RANBP17: variants seen among roughly 807,000 people sequenced by gnomAD.
RANBP17 encodes the protein ran-binding protein 17.
RANBP17 carries 158 observed loss-of-function variants against 141.2 expected under a neutral mutation model. The observed-to-expected ratio is 1.12, with a 90% CI of 0.98 to 1.28. The LOEUF is 1.28. Among genes scored for constraint, RANBP17 ranks in the 50% most tolerant of loss-of-function variants. The pLI is 0.00. For missense variants in RANBP17, 1,438 were observed against 1,290.7 expected (o/e 1.11, Z -1.75); for synonymous variants, 430 against 450.0 (o/e 0.96, Z 0.56).
At chr5:170,899,885 A>G (rs1430863198) in intron 5 of RANBP17, among the ~76,000 whole-genome samples, 1 of 152,210 alleles carries the variant, frequency 6.6e-6, no homozygotes, top group African/African-American at 2.4e-5. Flanking sequence ...CATGGTAGAT[A>G]AGCTCTTTGA....
At chr5:171,105,717 C>G (rs1209591597) in intron 14 of RANBP17, among the ~76,000 whole-genome samples, 1 of 81,948 alleles carries the variant, frequency 1.2e-5, no homozygotes, top group Non-Finnish European at 2.9e-5. Flanking sequence ...GAACTTGTCT[C>G]AAAAAGAAAA....
chr5:171,248,193 C>T (rs949402288), intron 24 of RANBP17, among the ~76,000 whole-genome samples: 11 of 151,960 alleles, frequency 7.2e-5, no homozygotes, highest in Admixed American at 5.2e-4. Context: ...GGTGAAACCT[C>T]GTCTCTACTA....
At chr5:171,004,197 G>A (rs1024549489) in intron 14 of RANBP17, among the ~76,000 whole-genome samples, 12 of 152,040 alleles carry the variant, frequency 7.9e-5, no homozygotes, top group Non-Finnish European at 8.8e-5. Flanking sequence ...GCGTGTGATC[G>A]GTTGCCAGGG....
chr5:171,283,239 A>G (rs1242487022), intron 25 of RANBP17, among the ~76,000 whole-genome samples: 1 of 152,048 alleles, frequency 6.6e-6, no homozygotes, highest in African/African-American at 2.4e-5. Context: ...CATTGTTTCT[A>G]TACTGTGTAT....
At chr5:171,031,235 G>C (rs1485472731) in intron 14 of RANBP17, among the ~76,000 whole-genome samples, 2 of 151,966 alleles carry the variant, frequency 1.3e-5, no homozygotes, top group Admixed American at 1.3e-4. Context: ...ATGCATTTCA[G>C]AGACATGTGG....
intron 24 of RANBP17, 93 bp from the exon 25 acceptor site, chr5:171,265,588 C>A: frequency 1.7e-6 from 2 of 1,192,886 alleles, no homozygotes; most frequent in African/African-American, 1.5e-5. Context: ...ACTTTGAAAC[C>A]AGAAAGTAAT....
chr5:171,012,379 G>T (rs993923310), intron 14 of RANBP17, among the ~76,000 whole-genome samples: 1 of 148,388 alleles, frequency 6.7e-6, no homozygotes, highest in African/African-American at 2.6e-5. Flanking sequence ...ATTTATCCAA[G>T]GTAAAATTCT....
chr5:170,971,813 C>T lies in RANBP17; in HGVS notation c.1710+3436C>T, dbSNP rs1777010671. On this transcript the variant is annotated intron_variant, in intron 14 of 27. Coordinates refer to ENST00000523189, the MANE Select transcript of RANBP17 (RefSeq NM_022897.5). ...CCTATGGAATTTCAAAAGTATTCTA[C>T]TTGCCCTCTTTGTTTCCATTTTGCT... Among the ~76,000 whole-genome samples, 3 of 152,214 alleles carry T rather than the reference C, an allele frequency of 2.0e-5. No individual in the cohort carries two copies. The South Asian group carries it at 6.2e-4, about 32-fold the overall frequency.
At chr5:171,216,975 C>T (rs1013817355) in intron 21 of RANBP17, among the ~76,000 whole-genome samples, 1 of 152,150 alleles carries the variant, frequency 6.6e-6, no homozygotes, top group Admixed American at 6.5e-5. Flanking sequence ...GAGAAGGCAT[C>T]GTTGTCTTGT....
In RANBP17 at chr5:171,242,647, T is replaced by C. The variant is rs149671301; in HGVS notation, c.2638-35T>C. The C allele has an allele frequency of 1.1e-3, 1,823 of 1,601,844 alleles. 20 individuals are homozygous for C. The African/African-American group carries it at 0.02, about 18-fold the overall frequency. ...GACTGTAACATGTATTTTTCTTCTCTGTGGCTTGACATTTAGTATATCTCT... is the reference window on the plus strand; with the variant it reads ...GACTGTAACATGTATTTTTCTTCTCCGTGGCTTGACATTTAGTATATCTCT... On this transcript the variant is annotated intron_variant, in intron 23 of 27. Coordinates refer to ENST00000523189, the MANE Select transcript of RANBP17 (RefSeq NM_022897.5).
chr5:171,023,098 G>C (rs1249907799), intron 14 of RANBP17, among the ~76,000 whole-genome samples: 2 of 152,156 alleles, frequency 1.3e-5, no homozygotes, highest in African/African-American at 4.8e-5. Context: ...GATCACACTA[G>C]TCTCCTAGTC....
chr5:171,155,094 A>AAAAAAATATATATATAT (rs34090443), intron 14 of RANBP17, among the ~76,000 whole-genome samples: 1 of 74,986 alleles, frequency 1.3e-5, no homozygotes, highest in African/African-American at 5.2e-5. Flanking sequence ...AAAAAAAAAA[A>AAAAAAATATATATATAT]ATATATATAT....
chr5:171,270,617 C>T (rs1488664377), intron 25 of RANBP17, among the ~76,000 whole-genome samples: 1 of 152,028 alleles, frequency 6.6e-6, no homozygotes, highest in African/African-American at 2.4e-5. Flanking sequence ...ATCTATAATA[C>T]ATAGTTATAG....
At chr5:171,134,288 C>G (rs1314521031) in intron 14 of RANBP17, among the ~76,000 whole-genome samples, 1 of 152,106 alleles carries the variant, frequency 6.6e-6, no homozygotes, top group East Asian at 1.9e-4. Context: ...GTAGTTTGTT[C>G]ACATTGTTTT....
At chr5:171,005,149 G>T (rs953039329) in intron 14 of RANBP17, among the ~76,000 whole-genome samples, 4 of 152,062 alleles carry the variant, frequency 2.6e-5, no homozygotes, top group African/African-American at 4.8e-5. Context: ...GGCCTTTATC[G>T]TGAAAATGGC....
Position 171,098,447 on chromosome 5 carries a change from G to A in RANBP17, c.1711-71683G>A, listed in dbSNP as rs143981105. Among the ~76,000 whole-genome samples, 2 of 152,240 alleles carry A rather than the reference G, an allele frequency of 1.3e-5. 1 individual carries two copies. The highest frequency in any genetic ancestry group is 2.9e-5 in the Non-Finnish European group (2 of 68,010). On this transcript the variant is annotated intron_variant, in intron 14 of 27. Coordinates refer to ENST00000523189, the MANE Select transcript of RANBP17 (RefSeq NM_022897.5). Reference sequence around the variant, plus strand: ...ACATAAATTTCTTCTTTTGAGAAGTGTCTGTTCATATCCTTTGCCCATTTT... The same window carrying A: ...ACATAAATTTCTTCTTTTGAGAAGTATCTGTTCATATCCTTTGCCCATTTT...
At chr5:171,223,236 A>G (rs1174649786) in intron 22 of RANBP17, among the ~76,000 whole-genome samples, 3 of 152,212 alleles carry the variant, frequency 2.0e-5, no homozygotes, top group African/African-American at 4.8e-5. Context: ...AACTAGAGAA[A>G]GCACCTGTAT....
At chr5:171,030,864 T>C (rs1362984831) in intron 14 of RANBP17, among the ~76,000 whole-genome samples, 1 of 152,002 alleles carries the variant, frequency 6.6e-6, no homozygotes, top group Non-Finnish European at 1.5e-5. Flanking sequence ...CTACAAAGGA[T>C]GCTTGATGGT....
chr5:170,974,245 C>T (rs1407985924), intron 14 of RANBP17, among the ~76,000 whole-genome samples: 1 of 152,184 alleles, frequency 6.6e-6, no homozygotes, highest in Non-Finnish European at 1.5e-5. Context: ...CAGATAACAT[C>T]ATATGCTTCC....
Sources: gnomAD v4.1 joint callset for allele counts (sites outside exome capture counted in the v4.1 genomes callset) on GRCh38, gnomAD v4.1.1 for gene constraint, MANE v1.5 for transcripts, NCBI Gene and HGNC (gene_info 2026-07-23, HGNC 2026-07-21) for gene names.